Variants in CAB39 observed in about 807,000 individuals in gnomAD.
CAB39 encodes the protein calcium binding protein 39.
In CAB39, 8 loss-of-function variants were observed where a neutral mutation model predicts 40.0. The observed-to-expected ratio is 0.20, with a 90% CI of 0.12 to 0.36. The LOEUF is 0.36. Among genes scored for constraint, CAB39 ranks in the 10% least tolerant of loss-of-function variants. CAB39 has a pLI of 1.00. For missense variants in CAB39, 270 were observed against 401.1 expected (o/e 0.67, Z 2.79); for synonymous variants, 156 against 141.6 (o/e 1.10, Z -0.72).
At chr2:230,787,765 A>G (rs1695818087) in intron 2 of CAB39, among the ~76,000 whole-genome samples, 3 of 152,188 alleles carry the variant, frequency 2.0e-5, no homozygotes, top group African/African-American at 2.4e-5. Flanking sequence ...AGGTTAATCA[A>G]AGAACCTGAG....
chr2:230,788,403 G>T (rs62193639), intron 2 of CAB39, among the ~76,000 whole-genome samples: 20 of 151,654 alleles, frequency 1.3e-4, no homozygotes, highest in Non-Finnish European at 2.2e-4. Context: ...TATTGTTGCC[G>T]TATTTTTTGT....
chr2:230,725,334 C>T, intron 1 of CAB39: 1 of 1,580,152 alleles, frequency 6.3e-7, no homozygotes, highest in Non-Finnish European at 8.7e-7. Context: ...CCAATCCCAG[C>T]CAGGCTCCCC....
In CAB39 at chr2:230,814,077, A is replaced by T; in HGVS notation, c.656A>T (p.His219Leu). ...TTCAGTGAATATGAGAAGTTACTTC[A>T]TTCAGAAAATTATGTGACAAAAAGA... ...RFFSEYEKLL[H>L]SENYVTKRQS... The change falls in exon 7 of 9, where the codon CAT becomes CTT. Residue 219 changes from histidine (H) to leucine (L), a missense_variant. Transcript: ENST00000258418. 1 of 1,436,038 alleles carries T rather than the reference A, an allele frequency of 7.0e-7. No individual in the cohort carries two copies. The allele number at this position is 1,436,038 out of a possible 1,614,324, so 89.0% of individuals were successfully genotyped here. A position where few individuals can be genotyped will look rare whatever the true frequency, so the allele number is the denominator to read the frequency against.
At position 230,810,004 on chromosome 2, in the gene CAB39, T is replaced by C. The variant is rs1696276703; in HGVS notation, c.568-259T>C. 2.0e-5 allele frequency among the ~76,000 whole-genome samples: 3 copies of C among 152,366 alleles called. No individual in the cohort carries two copies. The South Asian group carries it at 6.2e-4, about 32-fold the overall frequency. On this transcript the variant is annotated intron_variant, in intron 5 of 8. Transcript: ENST00000258418. ...AATTCCTTATTCTTTTCCTTTAGTT[T>C]ATATTTCCATTGCCTTTATCATTTT... is the stretch of plus-strand genomic sequence containing the variant.
At chr2:230,748,960 A>G (rs1351257395) in intron 1 of CAB39, among the ~76,000 whole-genome samples, 3 of 145,336 alleles carry the variant, frequency 2.1e-5, no homozygotes, top group Non-Finnish European at 4.5e-5. Context: ...ATCCTGAAAT[A>G]TAGTCTATAC....
intron 2 of CAB39, among the ~76,000 whole-genome samples, chr2:230,770,055 A>G (rs1428771582): frequency 1.3e-5 from 2 of 152,190 alleles, no homozygotes; most frequent in Non-Finnish European, 2.9e-5. Context: ...CTAGCACTAA[A>G]TATCTATGTT....
rs1575955053 is a variant in CAB39 at position 230,799,176 on chromosome 2, G to A, written c.567+279G>A. On this transcript the variant is annotated intron_variant, in intron 5 of 8. Transcript: ENST00000258418. Reference sequence around the variant, plus strand: ...ATAATTAAGTATGGTATACTGTACAGCATATGTAACAACCAGGTTTTCTCC... The same window carrying A: ...ATAATTAAGTATGGTATACTGTACAACATATGTAACAACCAGGTTTTCTCC... The A allele has an allele frequency of 1.4e-5, 4 of 284,564 alleles. No homozygotes were observed. The East Asian group carries it at 2.4e-4, about 17-fold the overall frequency. 17.6% of individuals were successfully genotyped at this position (284,564 alleles called of 1,614,324 possible). A position where few individuals can be genotyped will look rare whatever the true frequency, so the allele number is the denominator to read the frequency against.
At chr2:230,783,478 G>GTTTTGTTTTA (rs145862042) in intron 2 of CAB39, among the ~76,000 whole-genome samples, 2 of 137,230 alleles carry the variant, frequency 1.5e-5, no homozygotes, top group Non-Finnish European at 3.2e-5. Flanking sequence ...GTTTTGTTTT[G>GTTTTGTTTTA]TTTGTTTTGA....
intron 1 of CAB39, among the ~76,000 whole-genome samples, chr2:230,754,048 G>A (rs1324574670): frequency 6.6e-6 from 1 of 152,204 alleles, no homozygotes; most frequent in Non-Finnish European, 1.5e-5. Flanking sequence ...GAGCAGAAAG[G>A]ACATCAGTGT....
intron 4 of CAB39, among the ~76,000 whole-genome samples, chr2:230,796,626 T>C (rs1222198736): frequency 6.6e-6 from 1 of 152,084 alleles, no homozygotes; most frequent in Non-Finnish European, 1.5e-5. Context: ...GCTGCATGCC[T>C]CCACTGATGC....
chr2:230,772,605 C>T (rs1365020091), intron 2 of CAB39, among the ~76,000 whole-genome samples: 1 of 152,060 alleles, frequency 6.6e-6, no homozygotes, highest in Non-Finnish European at 1.5e-5. Flanking sequence ...CTGCCTCAGC[C>T]TCCCAAGTAG....
chr2:230,790,928 A>G lies in CAB39; in HGVS notation c.171A>G (p.Thr57=), dbSNP rs747786130. ...LVAMKEILYG[T]NEKEPQTEAV... is the part of the protein sequence containing the mutation. ...CCATGAAAGAAATTCTGTATGGCACAAATGAAAAAGAGCCTCAGACAGAAG... is the reference window on the plus strand; with the variant it reads ...CCATGAAAGAAATTCTGTATGGCACGAATGAAAAAGAGCCTCAGACAGAAG... The change falls in exon 3 of 9, where the codon ACA becomes ACG. Residue 57 remains threonine (T), a synonymous_variant. Transcript: ENST00000258418. The G allele has an allele frequency of 2.1e-5, 34 of 1,613,614 alleles. No individual in the cohort carries two copies. The highest frequency in any genetic ancestry group is 2.9e-5 in the Non-Finnish European group (34 of 1,179,682).
At chr2:230,752,065 A>G (rs954023694) in intron 1 of CAB39, 1 of 101,204 alleles carries the variant, frequency 9.9e-6, no homozygotes, top group Non-Finnish European at 1.9e-5. Context: ...CCCAACCTCA[A>G]AGGATATAGA....
At chr2:230,779,970 T>A (rs1441673923) in intron 2 of CAB39, among the ~76,000 whole-genome samples, 1 of 152,150 alleles carries the variant, frequency 6.6e-6, no homozygotes, top group East Asian at 1.9e-4. Context: ...AAAAGAGAAT[T>A]GAAGACCTTT....
At chr2:230,801,668 T>C (rs774588795) in intron 5 of CAB39, among the ~76,000 whole-genome samples, 7 of 152,016 alleles carry the variant, frequency 4.6e-5, no homozygotes, top group Admixed American at 6.5e-5. Context: ...GGTCAGGAGT[T>C]TGAGACCAGC....
chr2:230,786,543 C>T (rs1695797613), intron 2 of CAB39, among the ~76,000 whole-genome samples: 1 of 152,156 alleles, frequency 6.6e-6, no homozygotes, highest in Non-Finnish European at 1.5e-5. Flanking sequence ...TATTCACCTC[C>T]CTTCTTTCTT....
chr2:230,764,125 CA>C (rs374607330), intron 2 of CAB39, among the ~76,000 whole-genome samples: 6 of 142,670 alleles, frequency 4.2e-5, no homozygotes, highest in East Asian at 2.0e-4. Context: ...GTCTCAAAAA[CA>C]AAAAAAAAAC....
intron 4 of CAB39, among the ~76,000 whole-genome samples, chr2:230,795,780 GA>G (rs1384209759): frequency 6.6e-6 from 1 of 151,978 alleles, no homozygotes; most frequent in Non-Finnish European, 1.5e-5. Context: ...CTATAAAGAA[GA>G]ACCCTTCTTC....
chr2:230,750,733 TCATTTTATTC>T (rs1405885739), intron 1 of CAB39, among the ~76,000 whole-genome samples: 3 of 152,226 alleles, frequency 2.0e-5, no homozygotes, highest in African/African-American at 7.2e-5. Flanking sequence ...ATAAGGTCAT[TCATTTTATTC>T]CATTTTATAT....
Sources: allele counts gnomAD v4.1 joint callset (sites outside exome capture counted in the v4.1 genomes callset), GRCh38; gene constraint gnomAD v4.1.1; transcripts MANE v1.5; gene names NCBI Gene and HGNC (gene_info 2026-07-23, HGNC 2026-07-21).